The following PDE1C variants were observed in gnomAD, a reference collection of about 807,000 sequenced individuals.
PDE1C encodes the protein phosphodiesterase 1C, also known as dual specificity calcium/calmodulin-dependent 3',5'-cyclic nucleotide phosphodiesterase 1C.
In PDE1C, 62 loss-of-function variants were observed where a neutral mutation model predicts 93.1. The ratio of observed to expected loss-of-function variants is 0.67; its 90% CI spans 0.54 to 0.82. The LOEUF is 0.82. PDE1C is among the 40% of genes least tolerant of loss of function. PDE1C has a pLI of 0.00. For synonymous variants in PDE1C, 325 were observed against 310.1 expected (o/e 1.05, Z -0.50); for missense variants, 742 against 884.6 (o/e 0.84, Z 2.04).
chr7:32,168,538 T>C (rs1802445027), intron 3 of PDE1C, among the ~76,000 whole-genome samples: 1 of 152,160 alleles, frequency 6.6e-6, no homozygotes, highest in African/African-American at 2.4e-5. Context: ...TGAGAACACA[T>C]AGACAGAGAA....
chr7:31,717,530 G>A, the PDE1C span, among the ~76,000 whole-genome samples: 4 of 152,150 alleles, frequency 2.6e-5, no homozygotes, highest in African/African-American at 9.7e-5. Context: ...AATCCAGAAA[G>A]TAAGAAGAAA....
At chr7:31,874,036 G>C (rs1187758592) in intron 5 of PDE1C, among the ~76,000 whole-genome samples, 1 of 152,222 alleles carries the variant, frequency 6.6e-6, no homozygotes, top group South Asian at 2.1e-4. Context: ...CACATCAATC[G>C]AAACTGCTGA....
chr7:32,349,207 C>T (rs215690), intron 1 of PDE1C, among the ~76,000 whole-genome samples: 121,797 of 152,212 alleles, frequency 0.8, 49,096 homozygotes, highest in Admixed American at 0.85. Flanking sequence ...CCAAATATTA[C>T]TCCATTCAGT....
intron 16 of PDE1C, among the ~76,000 whole-genome samples, chr7:31,802,505 TTTTTA>T (rs1786194755): frequency 6.6e-6 from 1 of 151,696 alleles, no homozygotes; most frequent in Non-Finnish European, 1.5e-5. Context: ...GTAGTTGCCA[TTTTTA>T]ATGCTTTTCA....
At chr7:31,775,515 G>A (rs1795765732) in intron 17 of PDE1C, 149 bp downstream of exon 17, 1 of 644,758 alleles carries the variant, frequency 1.6e-6, no homozygotes, top group East Asian at 2.8e-5. Flanking sequence ...CCTCACAAAT[G>A]AGGGTGACAG....
chr7:32,062,253 CAT>C (rs761108731), intron 1 of PDE1C, among the ~76,000 whole-genome samples: 11 of 152,180 alleles, frequency 7.2e-5, no homozygotes, highest in Non-Finnish European at 8.8e-5. Context: ...CCTCATCCCC[CAT>C]ATCCAAGTCC....
intron 2 of PDE1C, among the ~76,000 whole-genome samples, chr7:31,920,997 C>T (rs1037482028): frequency 6.6e-5 from 10 of 152,136 alleles, no homozygotes; most frequent in African/African-American, 2.4e-4. Context: ...GAGGGAATCA[C>T]TCAAGGAATC....
intron 2 of PDE1C, among the ~76,000 whole-genome samples, chr7:31,930,797 C>G (rs1480467516): frequency 7.5e-6 from 1 of 133,980 alleles, no homozygotes; most frequent in African/African-American, 2.9e-5. Context: ...TGTAGTGAGC[C>G]GAGATCATGC....
the PDE1C span, among the ~76,000 whole-genome samples, chr7:31,703,741 A>T: frequency 6.6e-6 from 1 of 152,198 alleles, no homozygotes; most frequent in Non-Finnish European, 1.5e-5. Context: ...CACTCTGGAG[A>T]CATCTCTCAT....
chr7:32,009,529 AT>A (rs1180571023), intron 2 of PDE1C, among the ~76,000 whole-genome samples: 4 of 152,198 alleles, frequency 2.6e-5, no homozygotes. Context: ...CAAGCCAAAA[AT>A]TTACTACCTT....
chr7:31,807,671 G>T (rs557585633), intron 16 of PDE1C, among the ~76,000 whole-genome samples: 1 of 152,020 alleles, frequency 6.6e-6, no homozygotes, highest in Non-Finnish European at 1.5e-5. Flanking sequence ...ATACAGGATG[G>T]AGAAAGTGTC....
the PDE1C span, among the ~76,000 whole-genome samples, chr7:31,725,387 G>A: frequency 6.6e-6 from 1 of 152,194 alleles, no homozygotes; most frequent in Non-Finnish European, 1.5e-5. Flanking sequence ...TCAAAAGGAT[G>A]AGACCCAACC....
intron 15 of PDE1C, among the ~76,000 whole-genome samples, chr7:31,809,418 T>C (rs1333267666): frequency 6.6e-6 from 1 of 152,086 alleles, no homozygotes; most frequent in Non-Finnish European, 1.5e-5. Flanking sequence ...CTGTAAGTTC[T>C]ACCAATTAAT....
Position 31,963,175 on chromosome 7 carries a change from A to G in PDE1C, c.129-82315T>C, listed in dbSNP as rs192725866. Among the ~76,000 whole-genome samples the G allele has an allele frequency of 4.6e-3, 693 of 152,296 alleles. 14 individuals are homozygous for G. Among genetic ancestry groups the G allele is most frequent in the Admixed American group, 0.04 (605 of 15,296 alleles). ...AACTGCCTATATTTATTGACCAATT[A>G]TCATATGCCAGGCACTCTACTAAGT... On this transcript the variant is annotated intron_variant, in intron 2 of 17. Coordinates refer to ENST00000396191, the MANE Select transcript of PDE1C (RefSeq NM_001191057.4).
chr7:31,749,361 G>A (rs978660511), downstream of PDE1C, among the ~76,000 whole-genome samples: 8 of 152,138 alleles, frequency 5.3e-5, no homozygotes, highest in Non-Finnish European at 1.2e-4. Context: ...TCCTTACGTG[G>A]ATTGGTCTTG....
At chr7:32,341,199 G>A (rs1250451807) in intron 1 of PDE1C, among the ~76,000 whole-genome samples, 1 of 15,418 alleles carries the variant, frequency 6.5e-5, no homozygotes, top group Non-Finnish European at 2.3e-4. Context: ...TTTTTGAGAC[G>A]GAGTCTCGCT....
chr7:32,195,580 A>G (rs1265653437), intron 2 of PDE1C, among the ~76,000 whole-genome samples: 1 of 152,304 alleles, frequency 6.6e-6, no homozygotes, highest in Admixed American at 6.5e-5. Context: ...GGCTGGGTTC[A>G]GTGGCTTATG....
At chr7:32,387,850 CA>C (rs1442767640) in intron 1 of PDE1C, among the ~76,000 whole-genome samples, 2 of 132,128 alleles carry the variant, frequency 1.5e-5, no homozygotes, top group African/African-American at 6.6e-5. Context: ...GCTGGCCGGG[CA>C]GGGGGCTGAC....
intron 1 of PDE1C, among the ~76,000 whole-genome samples, chr7:32,231,285 C>T (rs1274117715): frequency 6.6e-6 from 1 of 152,110 alleles, no homozygotes; most frequent in South Asian, 2.1e-4. Flanking sequence ...CTTAGAGTAA[C>T]TGAGAGCACA....
Sources: gnomAD v4.1 joint callset for allele counts (sites outside exome capture counted in the v4.1 genomes callset) on GRCh38, gnomAD v4.1.1 for gene constraint, MANE v1.5 for transcripts, NCBI Gene and HGNC (gene_info 2026-07-23, HGNC 2026-07-21) for gene names.